The following SLC44A5 variants were observed in gnomAD, a reference collection of about 807,000 sequenced individuals.
SLC44A5 encodes the protein choline transporter-like protein 5.
SLC44A5 carries 57 observed loss-of-function variants against 101.8 expected under a neutral mutation model. The ratio of observed to expected loss-of-function variants is 0.56; its 90% CI spans 0.45 to 0.70. SLC44A5 has a LOEUF of 0.70. SLC44A5 is among the 30% of genes least tolerant of loss of function. The pLI is 0.00. For missense variants in SLC44A5, 737 were observed against 853.1 expected (o/e 0.86, Z 1.70); for synonymous variants, 281 against 290.9 (o/e 0.97, Z 0.35).
upstream of SLC44A5, among the ~76,000 whole-genome samples, chr1:75,615,432 TACATACACAC>T (rs1295639239): frequency 1.3e-5 from 1 of 77,012 alleles, no homozygotes; most frequent in African/African-American, 4.7e-5. Context: ...CACACACACA[TACATACACAC>T]ACACACACAC....
chr1:75,204,202 T>C (rs1432049393), intron 23 of SLC44A5, among the ~76,000 whole-genome samples: 6 of 152,142 alleles, frequency 3.9e-5, no homozygotes, highest in African/African-American at 1.4e-4. Context: ...ATAATTTAAA[T>C]AGTATAGCCT....
At chr1:75,486,125 A>G (rs1668135967) in intron 2 of SLC44A5, among the ~76,000 whole-genome samples, 1 of 152,222 alleles carries the variant, frequency 6.6e-6, no homozygotes, top group South Asian at 2.1e-4. Flanking sequence ...AAACAACAAT[A>G]TGACAACATT....
intron 5 of SLC44A5, among the ~76,000 whole-genome samples, chr1:75,293,297 T>C (rs1487659571): frequency 1.3e-5 from 2 of 152,228 alleles, no homozygotes; most frequent in African/African-American, 2.4e-5. Flanking sequence ...ATGTTCTTGT[T>C]GTGCTCTAGG....
intron 1 of SLC44A5, among the ~76,000 whole-genome samples, chr1:75,570,877 G>C (rs1189624364): frequency 6.6e-6 from 1 of 152,134 alleles, no homozygotes; most frequent in Non-Finnish European, 1.5e-5. Flanking sequence ...CCTCATCCTA[G>C]TAATTAGGGA....
chr1:75,516,500 G>A (rs543876527), intron 2 of SLC44A5, among the ~76,000 whole-genome samples: 1 of 152,258 alleles, frequency 6.6e-6, no homozygotes, highest in African/African-American at 2.4e-5. Flanking sequence ...CTGGGGGACA[G>A]AGCAAGATTC....
At chr1:75,517,065 T>C (rs1043996728) in intron 2 of SLC44A5, among the ~76,000 whole-genome samples, 3 of 152,144 alleles carry the variant, frequency 2.0e-5, no homozygotes, top group African/African-American at 7.2e-5. Flanking sequence ...AGGAGCAATA[T>C]GTTGAGAAAT....
chr1:75,677,351 T>A, the SLC44A5 span, among the ~76,000 whole-genome samples: 1 of 152,208 alleles, frequency 6.6e-6, no homozygotes, highest in Non-Finnish European at 1.5e-5. Context: ...AGTGTTGAGT[T>A]TTGTTTTCTC....
intron 3 of SLC44A5, among the ~76,000 whole-genome samples, chr1:75,350,151 A>G (rs1658537504): frequency 6.6e-6 from 1 of 151,864 alleles, no homozygotes; most frequent in African/African-American, 2.4e-5. Context: ...GTAGGTTTAG[A>G]TAGAATCATG....
intron 5 of SLC44A5, among the ~76,000 whole-genome samples, chr1:75,289,239 A>C (rs1653331192): frequency 6.6e-6 from 1 of 152,222 alleles, no homozygotes; most frequent in Non-Finnish European, 1.5e-5. Flanking sequence ...CTTTACAAAG[A>C]GGTGTGTCAC....
the SLC44A5 span, among the ~76,000 whole-genome samples, chr1:75,705,722 G>T: frequency 6.6e-6 from 1 of 152,118 alleles, no homozygotes; most frequent in African/African-American, 2.4e-5. Context: ...CTGTTGCCCA[G>T]ACTGGAATGC....
chr1:75,582,934 C>T (rs1189159307), intron 1 of SLC44A5, among the ~76,000 whole-genome samples: 1 of 152,192 alleles, frequency 6.6e-6, no homozygotes, highest in African/African-American at 2.4e-5. Context: ...ATTTTTCTCC[C>T]ATCACTGCAT....
At chr1:75,341,526 A>G (rs1408180253) in intron 3 of SLC44A5, among the ~76,000 whole-genome samples, 5 of 152,040 alleles carry the variant, frequency 3.3e-5, no homozygotes, top group African/African-American at 1.2e-4. Context: ...GAAAAGAAAG[A>G]AAAAGAAAGA....
chr1:75,339,625 G>A lies in SLC44A5; in HGVS notation c.58C>T (p.Pro20Ser), dbSNP rs768778680. ...TTGAAATCTGGGTCATATGTCCTTG[G>A]ATCACCTGCATTTAAAACAAAGACA... ...TPSEEEDFGD[P>S]RTYDPDFKGP... Residue 20 changes from proline to serine, a missense_variant, in exon 4 of 24, where the codon CCA (proline) becomes TCA (serine). Around this residue, in one of 3 missense-constraint regions of SLC44A5, gnomAD observed 665 missense variants for 764.4 expected, o/e 0.87. Transcript: ENST00000370859. 1.9e-6 allele frequency: 3 copies of A among 1,607,224 alleles called. No homozygotes were observed. In the East Asian group the frequency reaches 6.7e-5, roughly 36 times the overall value.
chr1:75,668,315 CTT>C, the SLC44A5 span, among the ~76,000 whole-genome samples: 706 of 64,996 alleles, frequency 0.011, 5 homozygotes, highest in African/African-American at 0.039. Flanking sequence ...TCCTAGGAGC[CTT>C]TTTTTTTTTT....
intron 12 of SLC44A5, among the ~76,000 whole-genome samples, chr1:75,228,344 C>T (rs1352323313): frequency 6.6e-6 from 1 of 151,990 alleles, no homozygotes; most frequent in African/African-American, 2.4e-5. Context: ...ATTCTAAAAT[C>T]TGTTTTGTCT....
rs969684477 is a variant in SLC44A5 at position 75,309,318 on chromosome 1, G to A, written c.102-8633C>T. Among the ~76,000 whole-genome samples, 4 of 152,132 alleles carry A rather than the reference G, an allele frequency of 2.6e-5. No homozygotes were observed. In the East Asian group the frequency reaches 5.8e-4, roughly 22 times the overall value. On this transcript the variant is annotated intron_variant, in intron 4 of 23. Transcript: ENST00000370859. ...AAATCAGCTGCATGTGGTGGCATGTGCCTATAGTCTCAGCTTCTTGGGAAC... is the reference window on the plus strand; with the variant it reads ...AAATCAGCTGCATGTGGTGGCATGTACCTATAGTCTCAGCTTCTTGGGAAC...
intron 11 of SLC44A5, among the ~76,000 whole-genome samples, chr1:75,234,650 T>A (rs1157426880): frequency 1.3e-5 from 2 of 152,072 alleles, no homozygotes; most frequent in Non-Finnish European, 2.9e-5. Flanking sequence ...TCTAGGAGTT[T>A]GTGATGCCTT....
At chr1:75,314,446 C>G (rs1655541250) in intron 4 of SLC44A5, among the ~76,000 whole-genome samples, 1 of 152,148 alleles carries the variant, frequency 6.6e-6, no homozygotes, top group Admixed American at 6.6e-5. Context: ...TGCAGACTTT[C>G]ACATTTGCTT....
chr1:75,515,543 C>A (rs1217003585), intron 2 of SLC44A5, among the ~76,000 whole-genome samples: 1 of 152,150 alleles, frequency 6.6e-6, no homozygotes, highest in Non-Finnish European at 1.5e-5. Context: ...TCTTTCTGTG[C>A]CTGACTTATT....
Sources: allele counts gnomAD v4.1 joint callset (sites outside exome capture counted in the v4.1 genomes callset), GRCh38; gene constraint gnomAD v4.1.1; regional missense constraint gnomAD v4.1.1; transcripts MANE v1.5; gene names NCBI Gene and HGNC (gene_info 2026-07-23, HGNC 2026-07-21).